LRFN5: variants seen among roughly 807,000 people sequenced by gnomAD.
LRFN5 encodes leucine rich repeat and fibronectin type III domain containing 5.
Under a neutral mutation model 45.6 loss-of-function variants are expected in LRFN5, and 24 were observed. That is an observed-to-expected ratio of 0.53 (90% CI 0.38 to 0.74). LRFN5 has a LOEUF of 0.74. Ranked by LOEUF, LRFN5 falls within the 30% of genes least tolerant of loss-of-function variation. The pLI is 0.00. For synonymous variants in LRFN5, 340 were observed against 313.8 expected, an observed-to-expected ratio of 1.08 and a Z score of -0.88; for missense variants, 776 against 861.5, an observed-to-expected ratio of 0.90 and a Z score of 1.24.
intron 3 of LRFN5, among the ~76,000 whole-genome samples, 187 bp downstream of exon 3, chr14:41,888,197 A>G (rs1566506686): frequency 6.6e-6 from 1 of 152,104 alleles, no homozygotes. Context: ...GTATTTTTTT[A>G]GAGAGTTCAA....
At chr14:41,704,464 G>GTGTGTGTGTGTGTC (rs1882980573) in intron 1 of LRFN5, among the ~76,000 whole-genome samples, 2 of 150,220 alleles carry the variant, frequency 1.3e-5, no homozygotes, top group East Asian at 3.9e-4. Context: ...GTGTGTGTCT[G>GTGTGTGTGTGTGTC]TGAGATTTGA....
intron 1 of LRFN5, among the ~76,000 whole-genome samples, chr14:41,667,952 G>A (rs1880983430): frequency 6.6e-6 from 1 of 152,148 alleles, no homozygotes; most frequent in Non-Finnish European, 1.5e-5. Context: ...ACCAAACCTG[G>A]TGATGAAGTT....
intron 1 of LRFN5, among the ~76,000 whole-genome samples, chr14:41,617,080 G>T (rs1047532334): frequency 6.6e-6 from 1 of 152,158 alleles, no homozygotes; most frequent in Non-Finnish European, 1.5e-5. Context: ...GAGGCTGAAT[G>T]AAAGTCTAAG....
chr14:41,816,097 T>C (rs1215391184), intron 2 of LRFN5, among the ~76,000 whole-genome samples: 1 of 152,068 alleles, frequency 6.6e-6, no homozygotes, highest in African/African-American at 2.4e-5. Flanking sequence ...TTCTATTTTA[T>C]ACCCCCTTCT....
intron 1 of LRFN5, among the ~76,000 whole-genome samples, chr14:41,756,504 A>C (rs1885390924): frequency 6.6e-6 from 1 of 152,006 alleles, no homozygotes; most frequent in African/African-American, 2.4e-5. Flanking sequence ...TTCTCGCTTC[A>C]TTTCATCTTC....
intron 2 of LRFN5, among the ~76,000 whole-genome samples, chr14:41,868,540 A>AAT (rs1328313237): frequency 1.3e-5 from 2 of 152,130 alleles, no homozygotes; most frequent in Non-Finnish European, 2.9e-5. Context: ...AGGGCACATA[A>AAT]ATATGAGTCC....
chr14:41,826,436 T>A (rs1888297791), intron 2 of LRFN5, among the ~76,000 whole-genome samples: 1 of 152,190 alleles, frequency 6.6e-6, no homozygotes, highest in Non-Finnish European at 1.5e-5. Flanking sequence ...TTTTCTCCAT[T>A]AATACTCTGT....
intron 1 of LRFN5, among the ~76,000 whole-genome samples, chr14:41,738,133 G>A (rs1386552250): frequency 2.6e-5 from 4 of 152,146 alleles, no homozygotes; most frequent in Non-Finnish European, 4.4e-5. Context: ...GCATGGTACT[G>A]GTAGCAAAAC....
In LRFN5 at chr14:41,897,477, A is replaced by T. The variant is rs149663114; in HGVS notation, c.2099-1440A>T. Reference sequence around the variant, plus strand: ...ATTTGTATAAATATATATGTGCTCAACAAATATCTGCCTATATATGTATTA... The same window carrying T: ...ATTTGTATAAATATATATGTGCTCATCAAATATCTGCCTATATATGTATTA... On this transcript the variant is annotated intron_variant, in intron 4 of 5. Coordinates refer to ENST00000298119, the MANE Select transcript of LRFN5 (RefSeq NM_152447.5). 3.8e-3 allele frequency among the ~76,000 whole-genome samples: 572 copies of T among 152,218 alleles called. 6 individuals carry two copies. Among genetic ancestry groups the T allele is most frequent in the African/African-American group, 0.013 (547 of 41,572 alleles).
rs146745036 is a variant in LRFN5, at chr14:41,758,970, G to A, written c.-196-7884G>A. Among the ~76,000 whole-genome samples, 261 of 152,154 alleles carry A rather than the reference G, an allele frequency of 1.7e-3. 3 individuals carry two copies. The highest frequency in any genetic ancestry group is 3.1e-3 in the Admixed American group (47 of 15,282). Reference sequence around the variant, plus strand: ...TTTGCAGTTAAAAATGTAATTTGTTGTATGTAGGTGAAGGTGCTAGATGCT... The same window carrying A: ...TTTGCAGTTAAAAATGTAATTTGTTATATGTAGGTGAAGGTGCTAGATGCT... On this transcript the variant is annotated intron_variant, in intron 1 of 5. Coordinates refer to ENST00000298119, the MANE Select transcript of LRFN5 (RefSeq NM_152447.5).
intron 1 of LRFN5, among the ~76,000 whole-genome samples, chr14:41,740,584 AC>A (rs1884649187): frequency 6.6e-6 from 1 of 152,058 alleles, no homozygotes; most frequent in African/African-American, 2.4e-5. Flanking sequence ...TTACAAGCCC[AC>A]AGTTAATATC....
intron 3 of LRFN5, among the ~76,000 whole-genome samples, chr14:41,890,191 T>G (rs1317170283): frequency 6.6e-6 from 1 of 152,088 alleles, no homozygotes; most frequent in African/African-American, 2.4e-5. Flanking sequence ...GATATTAGAT[T>G]TAGGCACTGT....
At chr14:41,866,651 A>G (rs1171312897) in intron 2 of LRFN5, among the ~76,000 whole-genome samples, 2 of 152,136 alleles carry the variant, frequency 1.3e-5, no homozygotes, top group African/African-American at 4.8e-5. Context: ...AAGAAAGGAG[A>G]AAAGCCTTCT....
At chr14:41,666,369 C>T (rs1400473667) in intron 1 of LRFN5, among the ~76,000 whole-genome samples, 2 of 151,924 alleles carry the variant, frequency 1.3e-5, no homozygotes, top group African/African-American at 4.8e-5. Flanking sequence ...TTTTCAGCAA[C>T]GGAAATGGAT....
chr14:41,615,370 A>C (rs187688237), intron 1 of LRFN5, among the ~76,000 whole-genome samples: 2 of 152,268 alleles, frequency 1.3e-5, no homozygotes. Context: ...TAGTACTTCT[A>C]GTGTTTGCAC....
chr14:41,871,472 C>T (rs1471611800), intron 2 of LRFN5, among the ~76,000 whole-genome samples: 1 of 151,896 alleles, frequency 6.6e-6, no homozygotes, highest in Non-Finnish European at 1.5e-5. Flanking sequence ...ACCTGTAATC[C>T]CAGCTATTTG....
At chr14:41,770,316 T>C (rs1440263775) in intron 2 of LRFN5, among the ~76,000 whole-genome samples, 4 of 152,192 alleles carry the variant, frequency 2.6e-5, no homozygotes, top group Non-Finnish European at 1.5e-5. Flanking sequence ...CACATGTTCT[T>C]TTCAGATTGC....
At chr14:41,659,737 C>G (rs1041119890) in intron 1 of LRFN5, among the ~76,000 whole-genome samples, 3 of 151,970 alleles carry the variant, frequency 2.0e-5, no homozygotes, top group Non-Finnish European at 4.4e-5. Context: ...TTTTAATGAT[C>G]GCCATTCTAA....
At chr14:41,816,998 G>GTTTT (rs200326943) in intron 2 of LRFN5, among the ~76,000 whole-genome samples, 9 of 129,996 alleles carry the variant, frequency 6.9e-5, no homozygotes, top group Non-Finnish European at 8.1e-5. Context: ...AATGTGGGAA[G>GTTTT]TTTTTTTTTT....
Sources: allele counts gnomAD v4.1 joint callset (sites outside exome capture counted in the v4.1 genomes callset), GRCh38; gene constraint gnomAD v4.1.1; transcripts MANE v1.5; gene names NCBI Gene and HGNC (gene_info 2026-07-23, HGNC 2026-07-21).